Variants in JPH3 observed in about 807,000 individuals in gnomAD.
The protein encoded by JPH3 is junctophilin 3.
In JPH3, 11 loss-of-function variants were observed where a neutral mutation model predicts 59.6. The observed-to-expected ratio is 0.18, with a 90% CI of 0.12 to 0.31. The LOEUF is 0.31. Ranked by LOEUF, JPH3 falls within the 10% of genes least tolerant of loss-of-function variation. The probability of loss-of-function intolerance (pLI) is 1.00; values close to 1 mark genes in which losing one functional copy is unlikely to be tolerated. For missense variants in JPH3, 1,202 were observed against 1,105.7 expected (o/e 1.09, Z -1.24); for synonymous variants, 673 against 483.6 (o/e 1.39, Z -5.14).
chr16:87,682,584 C>T (rs1225977128), intron 2 of JPH3, among the ~76,000 whole-genome samples: 1 of 152,202 alleles, frequency 6.6e-6, no homozygotes, highest in South Asian at 2.1e-4. Flanking sequence ...AGTGGGTCCT[C>T]TGCAGACACC....
chr16:87,642,538 A>G (rs2031988872), intron 1 of JPH3, among the ~76,000 whole-genome samples: 1 of 152,250 alleles, frequency 6.6e-6, no homozygotes, highest in Non-Finnish European at 1.5e-5. Context: ...CGTATCAGTA[A>G]GTCTCGGCCT....
intron 2 of JPH3, among the ~76,000 whole-genome samples, chr16:87,677,804 G>A (rs1396569977): frequency 1.3e-5 from 2 of 152,188 alleles, no homozygotes; most frequent in Admixed American, 6.5e-5. Flanking sequence ...AGGCAGACCC[G>A]CTCCTGTCTC....
At chr16:87,627,954 T>A (rs764595995) in intron 1 of JPH3, among the ~76,000 whole-genome samples, 14 of 152,178 alleles carry the variant, frequency 9.2e-5, no homozygotes, top group Non-Finnish European at 1.9e-4. Context: ...CCCCACCACC[T>A]CCTGGGTGAG....
chr16:87,617,902 C>A (rs901064160), intron 1 of JPH3, among the ~76,000 whole-genome samples: 1 of 152,050 alleles, frequency 6.6e-6, no homozygotes, highest in Non-Finnish European at 1.5e-5. Context: ...GTGGCTCATG[C>A]CTGTAATCCC....
rs567320827 is a variant in JPH3, at chr16:87,644,802, C to G, written c.927C>G (p.Leu309=). The stretch of plus-strand genomic sequence containing the variant: ...GCGTGAGCCAGCGCTCGGACGGGCT[C>G]AAGTACGAGGGCGAGTGGGCCAGCA... ...GFGVSQRSDG[L]KYEGEWASNR... is the part of the protein sequence containing the mutation. Residue 309 remains leucine (L), a synonymous_variant, in exon 2 of 5, where the codon CTC becomes CTG. Transcript: ENST00000284262. 55 of 1,613,252 alleles carry G rather than the reference C, an allele frequency of 3.4e-5. No individual in the cohort carries two copies. The highest frequency in any genetic ancestry group is 3.3e-4 in the South Asian group (30 of 91,054).
intron 2 of JPH3, among the ~76,000 whole-genome samples, chr16:87,647,126 G>A (rs1021363033): frequency 2.0e-5 from 3 of 152,108 alleles, no homozygotes; most frequent in Non-Finnish European, 4.4e-5. Context: ...TCTTCCTGGG[G>A]TTTTGGGGGG....
intron 2 of JPH3, among the ~76,000 whole-genome samples, chr16:87,679,944 G>T (rs1180037641): frequency 6.6e-6 from 1 of 152,234 alleles, no homozygotes; most frequent in African/African-American, 2.4e-5. Context: ...AGCCTTGGGT[G>T]CACCCCAACC....
At chr16:87,642,904 C>G (rs2032002512) in intron 1 of JPH3, among the ~76,000 whole-genome samples, 1 of 152,210 alleles carries the variant, frequency 6.6e-6, no homozygotes, top group African/African-American at 2.4e-5. Context: ...AAGAGAAATA[C>G]AGAATGTACC....
In JPH3 at chr16:87,642,626, C is replaced by T. The variant is rs2031991735; in HGVS notation, c.383-1632C>T. 2.0e-5 allele frequency among the ~76,000 whole-genome samples: 3 copies of T among 152,356 alleles called. No homozygotes were observed. The South Asian group carries it at 6.2e-4, about 32-fold the overall frequency. On this transcript the variant is annotated intron_variant, in intron 1 of 4. Coordinates refer to ENST00000284262, the MANE Select transcript of JPH3 (RefSeq NM_020655.4). Reference sequence around the variant, plus strand: ...GGACTCTGTTCTCCCCGCAAAAGCCCTTTCCAGGGTGGCACATCCACGCCG... The same window carrying T: ...GGACTCTGTTCTCCCCGCAAAAGCCTTTTCCAGGGTGGCACATCCACGCCG...
chr16:87,647,049 C>G (rs948140978), intron 2 of JPH3, among the ~76,000 whole-genome samples: 4 of 152,180 alleles, frequency 2.6e-5, no homozygotes, highest in African/African-American at 9.7e-5. Flanking sequence ...CTCTGGACCT[C>G]AACTTCTAAT....
chr16:87,672,262 C>G (rs13333451), intron 2 of JPH3, among the ~76,000 whole-genome samples: 74,997 of 151,966 alleles, frequency 0.49, 18,655 homozygotes, highest in South Asian at 0.6. Context: ...GAGCCCTGCG[C>G]TTTGTCATGG....
intron 2 of JPH3, among the ~76,000 whole-genome samples, chr16:87,657,055 T>C (rs1319923143): frequency 3.9e-5 from 6 of 152,084 alleles, no homozygotes; most frequent in Admixed American, 2.6e-4. Context: ...TCTCCACATA[T>C]AGGCCCTTGT....
chr16:87,651,292 G>A (rs887487369), intron 2 of JPH3, among the ~76,000 whole-genome samples: 1 of 152,228 alleles, frequency 6.6e-6, no homozygotes, highest in African/African-American at 2.4e-5. Flanking sequence ...ACAGGAAGAT[G>A]AATGTTGTTT....
chr16:87,630,473 C>G (rs1017787909), intron 1 of JPH3, among the ~76,000 whole-genome samples: 2 of 148,874 alleles, frequency 1.3e-5, no homozygotes, highest in Non-Finnish European at 3.0e-5. Context: ...GACTGTGCAT[C>G]GAGGCCAGGC....
chr16:87,663,317 A>G (rs1295477881), intron 2 of JPH3, among the ~76,000 whole-genome samples: 3 of 152,260 alleles, frequency 2.0e-5, no homozygotes, highest in East Asian at 3.9e-4. Context: ...CACGTTGGTC[A>G]GGCTGGTCTC....
chr16:87,619,990 C>T lies in JPH3; in HGVS notation c.382+16462C>T, dbSNP rs192037343. 4.9e-3 allele frequency among the ~76,000 whole-genome samples: 750 copies of T among 152,262 alleles called. 6 individuals carry two copies. Among genetic ancestry groups the T allele is most frequent in the Non-Finnish European group, 6.0e-3 (407 of 68,008 alleles). ...AACAGGGCCACCCTGGGACCCAGTG[C>T]GCAAGGAGCCCAAGGGCCCTCACAC... On this transcript the variant is annotated intron_variant, in intron 1 of 4. Coordinates refer to ENST00000284262, the MANE Select transcript of JPH3 (RefSeq NM_020655.4).
intron 2 of JPH3, among the ~76,000 whole-genome samples, chr16:87,656,843 G>A (rs1597267816): frequency 6.6e-6 from 1 of 152,260 alleles, no homozygotes; most frequent in South Asian, 2.1e-4. Flanking sequence ...TCTGAAAACT[G>A]GACAGTCCAA....
At chr16:87,694,858 C>T (rs1359385840) in intron 4 of JPH3, 1 of 184,728 alleles carries the variant, frequency 5.4e-6, no homozygotes, top group Non-Finnish European at 1.1e-5. Context: ...CTGCCTGGTG[C>T]CCAGCTTCTC....
intron 2 of JPH3, among the ~76,000 whole-genome samples, chr16:87,669,697 C>T (rs1163267349): frequency 2.6e-5 from 4 of 152,048 alleles, no homozygotes; most frequent in East Asian, 1.9e-4. Flanking sequence ...CTGGTCAGAG[C>T]GGGAGGCAGG....
Sources: allele counts gnomAD v4.1 joint callset (sites outside exome capture counted in the v4.1 genomes callset), GRCh38; gene constraint gnomAD v4.1.1; transcripts MANE v1.5; gene names NCBI Gene and HGNC (gene_info 2026-07-23, HGNC 2026-07-21).